KIAA1217: variants seen among roughly 807,000 people sequenced by gnomAD.
KIAA1217 encodes sickle tail protein homolog.
KIAA1217 carries 88 observed loss-of-function variants against 163.9 expected under a neutral mutation model. The observed-to-expected ratio is 0.54, with a 90% CI of 0.45 to 0.64. The LOEUF (loss-of-function observed/expected upper bound fraction) is 0.64, where lower values mean the gene tolerates loss of function less well. KIAA1217 is among the 30% of genes least tolerant of loss of function. KIAA1217 has a pLI of 0.00. For synonymous variants in KIAA1217, 903 were observed against 923.1 expected (o/e 0.98, Z 0.39); for missense variants, 2,372 against 2,475.0 (o/e 0.96, Z 0.88).
intron 2 of KIAA1217, among the ~76,000 whole-genome samples, chr10:24,358,302 T>G (rs2049394254): frequency 1.3e-5 from 2 of 152,150 alleles, no homozygotes; most frequent in Admixed American, 1.3e-4. Context: ...GTCCATGGGC[T>G]GCACTTGGTT....
At chr10:24,529,467 A>T (rs768820764) in intron 14 of KIAA1217, among the ~76,000 whole-genome samples, 10 of 151,938 alleles carry the variant, frequency 6.6e-5, no homozygotes, top group African/African-American at 2.4e-4. Context: ...TTCAAGTTTT[A>T]TTTTTTGGAA....
intron 2 of KIAA1217, among the ~76,000 whole-genome samples, chr10:24,163,983 G>T (rs1307264080): frequency 6.6e-6 from 1 of 152,176 alleles, no homozygotes; most frequent in Non-Finnish European, 1.5e-5. Flanking sequence ...GGGCAACATA[G>T]TGAGACCCTG....
chr10:24,188,441 T>TA (rs1564806393), intron 2 of KIAA1217, among the ~76,000 whole-genome samples: 1 of 152,030 alleles, frequency 6.6e-6, no homozygotes, highest in Non-Finnish European at 1.5e-5. Flanking sequence ...AAATCACATG[T>TA]AAAAAAGGGT....
intron 1 of KIAA1217, among the ~76,000 whole-genome samples, chr10:23,972,862 A>G (rs1332602912): frequency 1.3e-5 from 2 of 152,176 alleles, no homozygotes; most frequent in Non-Finnish European, 2.9e-5. Context: ...CAGGAACAGA[A>G]AACCAAGCAC....
chr10:24,348,358 T>C (rs10828632), intron 2 of KIAA1217, among the ~76,000 whole-genome samples: 98,316 of 151,708 alleles, frequency 0.65, 32,146 homozygotes, highest in South Asian at 0.74. Context: ...TAAAATGAAA[T>C]AATTATCCTA....
intron 2 of KIAA1217, among the ~76,000 whole-genome samples, chr10:24,150,998 A>G (rs1464166170): frequency 6.6e-6 from 1 of 152,092 alleles, no homozygotes; most frequent in African/African-American, 2.4e-5. Flanking sequence ...TATGCCTGAG[A>G]GTGAGACTTA....
At chr10:23,809,790 A>T (rs1836907915) in intron 1 of KIAA1217, among the ~76,000 whole-genome samples, 1 of 152,018 alleles carries the variant, frequency 6.6e-6, no homozygotes, top group African/African-American at 2.4e-5. Flanking sequence ...AATACCAAGG[A>T]ATAACTCTAA....
chr10:24,085,423 T>G (rs1267395408), intron 2 of KIAA1217, among the ~76,000 whole-genome samples: 4 of 152,142 alleles, frequency 2.6e-5, no homozygotes, highest in African/African-American at 9.7e-5. Context: ...TCAGGAGATG[T>G]GAAACCCAGT....
At chr10:24,455,889 A>T (rs2061734561) in intron 5 of KIAA1217, among the ~76,000 whole-genome samples, 1 of 152,142 alleles carries the variant, frequency 6.6e-6, no homozygotes, top group Non-Finnish European at 1.5e-5. Flanking sequence ...GAGGAAAAGT[A>T]CTTTTTGTTT....
chr10:23,899,158 T>C (rs1440491692), intron 1 of KIAA1217, among the ~76,000 whole-genome samples: 1 of 152,120 alleles, frequency 6.6e-6, no homozygotes, highest in Non-Finnish European at 1.5e-5. Flanking sequence ...CGTATTCATA[T>C]TGTGTGCACC....
At chr10:24,021,510 G>A (rs1388261053) in intron 2 of KIAA1217, among the ~76,000 whole-genome samples, 1 of 151,964 alleles carries the variant, frequency 6.6e-6, no homozygotes, top group Non-Finnish European at 1.5e-5. Context: ...TTGTCAGAAT[G>A]TCTGTTATTC....
At chr10:24,283,720 G>C (rs1360811092) in intron 2 of KIAA1217, among the ~76,000 whole-genome samples, 3 of 152,062 alleles carry the variant, frequency 2.0e-5, no homozygotes, top group Admixed American at 6.6e-5. Context: ...TAAATTTGCT[G>C]TACCATTTTT....
intron 2 of KIAA1217, among the ~76,000 whole-genome samples, chr10:24,195,415 G>T (rs184974920): frequency 1.5e-4 from 23 of 152,256 alleles, no homozygotes; most frequent in Non-Finnish European, 2.9e-4. Context: ...GACTCTGCAG[G>T]TTGCCCAAGA....
intron 2 of KIAA1217, among the ~76,000 whole-genome samples, chr10:24,147,862 A>AAAAAAAAAAAAAAAAAAAAAAAAAG: frequency 7.0e-6 from 1 of 143,534 alleles, no homozygotes; most frequent in Non-Finnish European, 1.5e-5. Context: ...AAAAAAAAAA[A>AAAAAAAAAAAAAAAAAAAAAAAAAG]GAAAGAAAGA....
intron 1 of KIAA1217, among the ~76,000 whole-genome samples, chr10:23,812,038 T>C (rs1384539958): frequency 1.3e-5 from 2 of 152,104 alleles, no homozygotes; most frequent in Non-Finnish European, 2.9e-5. Context: ...TGAGCTGTGT[T>C]TGTGTCACTG....
At chr10:24,224,592 T>A (rs979317132) in intron 2 of KIAA1217, among the ~76,000 whole-genome samples, 2 of 151,992 alleles carry the variant, frequency 1.3e-5, no homozygotes, top group Admixed American at 6.6e-5. Context: ...AGTGTTGGGA[T>A]TACAGGTGTG....
At position 24,132,256 on chromosome 10, in the gene KIAA1217, C is replaced by T. The variant is rs12266898; in HGVS notation, c.-170-87370C>T. Among the ~76,000 whole-genome samples the T allele has an allele frequency of 3.1e-3, 479 of 152,184 alleles. 1 individual carries two copies. Among genetic ancestry groups the T allele is most frequent in the African/African-American group, 0.011 (454 of 41,524 alleles). On this transcript the variant is annotated intron_variant, in intron 2 of 18. Coordinates refer to the KIAA1217 transcript ENST00000376462. Reference sequence around the variant, plus strand: ...TGCAAGGGAGGCTGAAAAATGTAACCCAGCTGGCTGAAAGACGAAAAGAAA... The same window carrying T: ...TGCAAGGGAGGCTGAAAAATGTAACTCAGCTGGCTGAAAGACGAAAAGAAA...
intron 1 of KIAA1217, among the ~76,000 whole-genome samples, chr10:23,696,673 G>A (rs1836064001): frequency 1.3e-5 from 2 of 152,290 alleles, no homozygotes; most frequent in Admixed American, 6.5e-5. Flanking sequence ...TGGAAAGAAG[G>A]TGAAGATGCT....
chr10:23,912,335 A>G (rs927904955), intron 1 of KIAA1217, among the ~76,000 whole-genome samples: 6 of 140,440 alleles, frequency 4.3e-5, no homozygotes, highest in Admixed American at 7.2e-5. Flanking sequence ...CCATTTGTTT[A>G]TTTTTTTAGA....
Sources: gnomAD v4.1 joint callset for allele counts (sites outside exome capture counted in the v4.1 genomes callset) on GRCh38, gnomAD v4.1.1 for gene constraint, MANE v1.5 for transcripts, NCBI Gene and HGNC (gene_info 2026-07-23, HGNC 2026-07-21) for gene names.